The following REEP1 variants were observed in gnomAD, a reference collection of about 807,000 sequenced individuals.
The protein encoded by REEP1 is receptor accessory protein 1, also known as receptor expression-enhancing protein 1.
REEP1 carries 22 observed loss-of-function variants against 40.3 expected under a neutral mutation model. That is an observed-to-expected ratio of 0.55 (90% CI 0.39 to 0.78). The LOEUF is 0.78. Ranked by LOEUF, REEP1 falls within the 30% of genes least tolerant of loss-of-function variation. The pLI is 0.00. For synonymous variants in REEP1, 116 were observed against 139.2 expected, an observed-to-expected ratio of 0.83 and a Z score of 1.17; for missense variants, 280 against 361.1, an observed-to-expected ratio of 0.78 and a Z score of 1.82.
chr2:86,223,182 G>A (rs1460732524), intron 7 of REEP1, among the ~76,000 whole-genome samples: 1 of 152,242 alleles, frequency 6.6e-6, no homozygotes, highest in Non-Finnish European at 1.5e-5. Context: ...TCCACAGCAG[G>A]GGAATGGGTG....
chr2:86,295,684 C>G (rs1375700850), intron 1 of REEP1, among the ~76,000 whole-genome samples: 1 of 152,114 alleles, frequency 6.6e-6, no homozygotes, highest in African/African-American at 2.4e-5. Context: ...GGACTACAGG[C>G]GCCCACCACC....
intron 1 of REEP1, among the ~76,000 whole-genome samples, chr2:86,316,024 C>T (rs891653665): frequency 6.6e-6 from 1 of 152,138 alleles, no homozygotes; most frequent in Admixed American, 6.5e-5. Context: ...AAGCCGCCAG[C>T]AGCCAGGGGA....
chr2:86,304,372 C>T (rs1263112168), intron 1 of REEP1, among the ~76,000 whole-genome samples: 8 of 152,164 alleles, frequency 5.3e-5, no homozygotes, highest in African/African-American at 1.9e-4. Context: ...CACCACAATT[C>T]CCTTCCTTCA....
chr2:86,253,247 C>T (rs1250049846), intron 4 of REEP1, among the ~76,000 whole-genome samples: 1 of 152,204 alleles, frequency 6.6e-6, no homozygotes, highest in African/African-American at 2.4e-5. Context: ...TGCCACTGCA[C>T]TCCAGCCTGG....
rs117108525 is a variant in REEP1 at position 86,335,081 on chromosome 2, C to T, written c.32+2398G>A. Among the ~76,000 whole-genome samples, 9 of 152,072 alleles carry T rather than the reference C, an allele frequency of 5.9e-5. No homozygotes were observed. In the East Asian group the frequency reaches 1.7e-3, roughly 29 times the overall value. On this transcript the variant is annotated intron_variant, in intron 1 of 8. Coordinates refer to ENST00000538924, the MANE Select transcript of REEP1 (RefSeq NM_001371279.1). ...GGTATGTGGAGTGTAGAATATTGGG[C>T]TGAATCAATAATATCCTTGAATTAC...
intron 2 of REEP1, among the ~76,000 whole-genome samples, chr2:86,273,702 T>A (rs1162481309): frequency 6.6e-6 from 1 of 152,176 alleles, no homozygotes; most frequent in Non-Finnish European, 1.5e-5. Flanking sequence ...TGCGTCTGAT[T>A]TCAGCCCTCA....
chr2:86,263,183 T>C (rs1360837572), intron 3 of REEP1, among the ~76,000 whole-genome samples: 3 of 152,186 alleles, frequency 2.0e-5, no homozygotes, highest in African/African-American at 7.2e-5. Flanking sequence ...AAAAAAGAAG[T>C]GTGTGTAAAA....
intron 1 of REEP1, among the ~76,000 whole-genome samples, chr2:86,320,993 A>G (rs925468036): frequency 1.3e-5 from 2 of 152,038 alleles, no homozygotes; most frequent in African/African-American, 4.8e-5. Context: ...TAATTTTTCT[A>G]TTTTGTAGAG....
intron 2 of REEP1, among the ~76,000 whole-genome samples, chr2:86,280,217 G>A (rs1435635300): frequency 6.6e-6 from 1 of 152,186 alleles, no homozygotes; most frequent in Non-Finnish European, 1.5e-5. Context: ...ATACTACTCG[G>A]CTTGTTTCTT....
rs149473283 is a variant in REEP1, at chr2:86,225,690, G to A, written c.631+1673C>T. Among the ~76,000 whole-genome samples, 1,513 of 152,366 alleles carry A rather than the reference G, an allele frequency of 9.9e-3. 21 individuals are homozygous for A. Among genetic ancestry groups the A allele is most frequent in the African/African-American group, 0.034 (1,429 of 41,588 alleles). On this transcript the variant is annotated intron_variant, in intron 7 of 8. Coordinates refer to ENST00000538924, the MANE Select transcript of REEP1 (RefSeq NM_001371279.1). Reference sequence around the variant, plus strand: ...GCAGTTTCCTGTCTTGCTCACTGCCGATGTGGGAGGGGCATGTCATGCCTC... The same window carrying A: ...GCAGTTTCCTGTCTTGCTCACTGCCAATGTGGGAGGGGCATGTCATGCCTC...
chr2:86,261,901 C>T (rs558859409), intron 3 of REEP1, among the ~76,000 whole-genome samples: 1 of 152,214 alleles, frequency 6.6e-6, no homozygotes, highest in South Asian at 2.1e-4. Context: ...GTGGGACATG[C>T]GGGCAGCAAT....
intron 1 of REEP1, among the ~76,000 whole-genome samples, chr2:86,289,059 C>T (rs944797109): frequency 4.6e-5 from 7 of 152,158 alleles, no homozygotes; most frequent in East Asian, 3.8e-4. Context: ...GTTTGTGGTG[C>T]ATTTTCTTGC....
intron 5 of REEP1, among the ~76,000 whole-genome samples, chr2:86,235,611 A>C (rs1002896054): frequency 3.3e-5 from 5 of 152,018 alleles, no homozygotes; most frequent in Admixed American, 2.0e-4. Context: ...AGCCCAAATA[A>C]ACGGCCAGGG....
At chr2:86,299,877 A>C (rs1380474406) in intron 1 of REEP1, among the ~76,000 whole-genome samples, 1 of 152,238 alleles carries the variant, frequency 6.6e-6, no homozygotes, top group Non-Finnish European at 1.5e-5. Context: ...CAGCAACAAC[A>C]GTAGTTAAAA....
At chr2:86,249,434 A>T (rs192118660) in intron 5 of REEP1, among the ~76,000 whole-genome samples, 7 of 152,276 alleles carry the variant, frequency 4.6e-5, no homozygotes, top group Non-Finnish European at 8.8e-5. Flanking sequence ...TCTGCATTCC[A>T]GGAATGTTAC....
At position 86,215,960 on chromosome 2, in the gene REEP1, T is replaced by C. The variant is rs1674089424; in HGVS notation, c.*1079A>G. On this transcript the variant is annotated 3_prime_UTR_variant, in exon 9 of 9. Transcript: ENST00000538924. ...AGCCCACCATTTTGATTGTTACACA[T>C]GTGTTTCAGATGTATGTTATGGCAT... 6.6e-6 allele frequency: 1 copy of C among 152,212 alleles called. No homozygotes were observed. The highest frequency in any genetic ancestry group is 2.1e-4 in the South Asian group (1 of 4,828). 9.4% of individuals were successfully genotyped at this position (152,212 alleles called of 1,614,324 possible).
At position 86,282,754 on chromosome 2, in the gene REEP1, A is replaced by G. The variant is rs76466083; in HGVS notation, c.33-512T>C. On this transcript the variant is annotated intron_variant, in intron 1 of 8. Transcript: ENST00000538924. The stretch of plus-strand genomic sequence containing the variant: ...AGCCCTCCTCCCACCAATACATCCC[A>G]TCTTGCATTAGCCTGTTTCTCATTG... 7.9e-5 allele frequency among the ~76,000 whole-genome samples: 12 copies of G among 152,272 alleles called. 1 individual carries two copies. The East Asian group carries it at 2.3e-3, about 29-fold the overall frequency.
At chr2:86,297,012 C>T (rs1032223934) in intron 1 of REEP1, among the ~76,000 whole-genome samples, 2 of 152,234 alleles carry the variant, frequency 1.3e-5, no homozygotes, top group African/African-American at 4.8e-5. Context: ...CCCTCAGCAT[C>T]TCCCACCAGA....
At chr2:86,276,016 G>A (rs1039349379) in intron 2 of REEP1, among the ~76,000 whole-genome samples, 9 of 152,208 alleles carry the variant, frequency 5.9e-5, no homozygotes, top group African/African-American at 2.2e-4. Flanking sequence ...TAGTGACCAA[G>A]TGCATGAGAT....
Sources: allele counts gnomAD v4.1 joint callset (sites outside exome capture counted in the v4.1 genomes callset), GRCh38; gene constraint gnomAD v4.1.1; transcripts MANE v1.5; gene names NCBI Gene and HGNC (gene_info 2026-07-23, HGNC 2026-07-21).